Variants in WDR88 observed in about 807,000 individuals in gnomAD.
WDR88 encodes the protein WD repeat-containing protein 88.
WDR88 carries 40 observed loss-of-function variants against 46.8 expected under a neutral mutation model. The observed-to-expected ratio is 0.86, with a 90% confidence interval of 0.66 to 1.11. The LOEUF is 1.11. Among genes scored for constraint, WDR88 ranks in the 50% most tolerant of loss-of-function variants. The probability of loss-of-function intolerance (pLI) is 0.00; values close to 1 mark genes in which losing one functional copy is unlikely to be tolerated. For missense variants in WDR88, 562 were observed against 602.4 expected, an observed-to-expected ratio of 0.93 and a Z score of 0.70; for synonymous variants, 235 against 240.7, an observed-to-expected ratio of 0.98 and a Z score of 0.22.
In WDR88 at chr19:33,174,442, G is replaced by A. The variant is rs1038437994; in HGVS notation, c.1243-954G>A. 11 of 1,372,574 alleles carry A rather than the reference G, an allele frequency of 8.0e-6. No individual in the cohort carries two copies. In the African/African-American group the frequency reaches 1.2e-4, roughly 14 times the overall value. 85.0% of individuals were successfully genotyped at this position (1,372,574 alleles called of 1,614,324 possible). A position where few individuals can be genotyped will look rare whatever the true frequency, so the allele number is the denominator to read the frequency against. ...ACCATGCATGGTGGGAACCCCTGAG[G>A]GGCCTCTGCCCATGGCCTAGGAGAC... On this transcript the variant is annotated intron_variant, in intron 10 of 10. Transcript: ENST00000355868.
At chr19:33,169,779 C>T (rs1283512060) in intron 9 of WDR88, among the ~76,000 whole-genome samples, 1 of 151,796 alleles carries the variant, frequency 6.6e-6, no homozygotes, top group African/African-American at 2.4e-5. Context: ...AATCTATAAG[C>T]TTGCTTTGAA....
intron 10 of WDR88, chr19:33,174,789 C>T (rs1967016693): frequency 3.0e-6 from 3 of 985,294 alleles, no homozygotes; most frequent in Admixed American, 6.2e-5. Flanking sequence ...GGGCTTGCCA[C>T]GCATGTCCTC....
chr19:33,174,322 G>A, intron 10 of WDR88: 1 of 1,518,086 alleles, frequency 6.6e-7, no homozygotes, highest in Non-Finnish European at 8.8e-7. Context: ...CTCTCCAGCA[G>A]GCCTCAGTGT....
chr19:33,147,767 A>G, intron 4 of WDR88, 59 bp downstream of exon 4: 1 of 1,551,522 alleles, frequency 6.4e-7, no homozygotes, highest in East Asian at 2.3e-5. Flanking sequence ...ACCAAGCCTC[A>G]GGCAGCTTTG....
Position 33,144,896 on chromosome 19 carries a change from C to T in WDR88, c.440C>T (p.Pro147Leu). 6.2e-7 allele frequency: 1 copy of T among 1,613,766 alleles called. No homozygotes were observed. Among genetic ancestry groups the T allele is most frequent in the Admixed American group, 1.7e-5 (1 of 59,930 alleles). ...GATTTTGAGCACAGGCCCAAAGCTC[C>T]TGTTGTAGAGTGCAGCATCACCGGC... The part of the protein sequence containing the change: ...VRDFEHRPKA[P>L]VVECSITGDS... Residue 147 changes from proline to leucine, a missense_variant, in exon 3 of 11, where the codon CCT becomes CTT. Transcript: ENST00000355868.
Position 33,137,694 on chromosome 19 carries a change from G to A in WDR88, c.294G>A (p.Leu98=), listed in dbSNP as rs769870684. 12 of 1,613,758 alleles carry A rather than the reference G, an allele frequency of 7.4e-6. No homozygotes were observed. Among genetic ancestry groups the A allele is most frequent in the Non-Finnish European group, 9.3e-6 (11 of 1,179,984 alleles). ...DPLSKIPFKI[L]SGHEHAVSTC... ...TTTTTCAGATCCCATTTAAAATTCT[G>A]AGTGGGCACGAGCACGCTGTGAGCA... Residue 98 remains leucine (L), a synonymous_variant, in exon 2 of 11, where the codon CTG becomes CTA. Coordinates refer to ENST00000355868, the MANE Select transcript of WDR88 (RefSeq NM_173479.4).
At chr19:33,164,411 T>A in intron 9 of WDR88, 146 bp downstream of exon 9, 1 of 716,954 alleles carries the variant, frequency 1.4e-6, no homozygotes, top group Non-Finnish European at 2.5e-6. Flanking sequence ...CCTGGGAATG[T>A]GGACAGCATG....
intron 4 of WDR88, 49 bp from the exon 5 acceptor site, chr19:33,148,723 C>T (rs1268835881): frequency 6.2e-7 from 1 of 1,611,492 alleles, no homozygotes; most frequent in African/African-American, 1.3e-5. Flanking sequence ...ACAGGTGTAA[C>T]ACACCACACC....
chr19:33,137,653 TC>T (rs1295956485), intron 1 of WDR88, 23 bp from the exon 2 acceptor site: 1 of 1,587,962 alleles, frequency 6.3e-7, no homozygotes, highest in South Asian at 1.1e-5. Context: ...CATGTTTAGC[TC>T]ATCTGGTCTC....
chr19:33,147,181 G>A (rs895522433), intron 3 of WDR88, among the ~76,000 whole-genome samples: 2 of 152,034 alleles, frequency 1.3e-5, no homozygotes, highest in Non-Finnish European at 2.9e-5. Context: ...AGGTGGCAGT[G>A]AGCTAGGATT....
chr19:33,163,284 G>A (rs1316504500), intron 8 of WDR88, among the ~76,000 whole-genome samples: 1 of 150,828 alleles, frequency 6.6e-6, no homozygotes, highest in Non-Finnish European at 1.5e-5. Flanking sequence ...AGTGAGCCGA[G>A]ATCACACCAC....
intron 10 of WDR88, chr19:33,174,281 C>T (rs956046277): frequency 2.6e-6 from 4 of 1,533,886 alleles, no homozygotes; most frequent in East Asian, 2.4e-5. Flanking sequence ...CCAGGCTTCC[C>T]CGAGGCCTGC....
At chr19:33,166,889 C>T (rs1405806412) in intron 9 of WDR88, among the ~76,000 whole-genome samples, 1 of 152,104 alleles carries the variant, frequency 6.6e-6, no homozygotes, top group Non-Finnish European at 1.5e-5. Flanking sequence ...ACATTCTATC[C>T]TGGGTGACAG....
chr19:33,174,821 AT>A, intron 10 of WDR88: 3 of 954,776 alleles, frequency 3.1e-6, no homozygotes, highest in Non-Finnish European at 3.7e-6. Context: ...GGCAGGAGAC[AT>A]GAGCTGGCAG....
At chr19:33,146,464 TTTCCTTCCTTCCTTCC>T (rs58822460) in intron 3 of WDR88, among the ~76,000 whole-genome samples, 1 of 109,560 alleles carries the variant, frequency 9.1e-6, no homozygotes, top group Non-Finnish European at 1.7e-5. Context: ...TCCTTCCTTC[TTTCCTTCCTTCCTTCC>T]TTCCTTCCTT....
chr19:33,156,659 A>C, intron 7 of WDR88, 117 bp downstream of exon 7: 1 of 1,210,868 alleles, frequency 8.3e-7, no homozygotes, highest in Admixed American at 2.8e-5. Flanking sequence ...GGGAGGGCGG[A>C]TTCTTCCCCA....
At chr19:33,162,195 GTTTT>G (rs569887293) in intron 8 of WDR88, among the ~76,000 whole-genome samples, 1 of 151,558 alleles carries the variant, frequency 6.6e-6, no homozygotes, top group African/African-American at 2.4e-5. Context: ...GCTCTGAGCT[GTTTT>G]TTTTGTTTGT....
intron 9 of WDR88, among the ~76,000 whole-genome samples, chr19:33,170,351 T>C (rs1717537200): frequency 6.6e-6 from 1 of 152,048 alleles, no homozygotes; most frequent in South Asian, 2.1e-4. Flanking sequence ...GCTAATTTTT[T>C]GTATTTTTAG....
chr19:33,155,236 G>C (rs1973711728), intron 6 of WDR88, among the ~76,000 whole-genome samples: 1 of 152,068 alleles, frequency 6.6e-6, no homozygotes, highest in South Asian at 2.1e-4. Context: ...CACCTCCTGG[G>C]TTCAAGTGAT....
Sources: gnomAD v4.1 joint callset for allele counts (sites outside exome capture counted in the v4.1 genomes callset) on GRCh38, gnomAD v4.1.1 for gene constraint, MANE v1.5 for transcripts, NCBI Gene and HGNC (gene_info 2026-07-23, HGNC 2026-07-21) for gene names.